MYO5A: variants seen among roughly 807,000 people sequenced by gnomAD.
The protein encoded by MYO5A is unconventional myosin-Va.
MYO5A carries 98 observed loss-of-function variants against 249.7 expected under a neutral mutation model. That is an observed-to-expected ratio of 0.39 (90% CI 0.33 to 0.46). The LOEUF (loss-of-function observed/expected upper bound fraction) is 0.46. Ranked by LOEUF, MYO5A falls within the 20% of genes least tolerant of loss-of-function variation. The pLI is 0.98. For missense variants in MYO5A, 1,696 were observed against 2,308.8 expected, an observed-to-expected ratio of 0.73 and a Z score of 5.44; for synonymous variants, 778 against 810.6, an observed-to-expected ratio of 0.96 and a Z score of 0.68.
chr15:52,402,717 C>CACCTGT lies in MYO5A; in HGVS notation c.1053+2564_1053+2569dup, dbSNP rs1203449808. Reference sequence around the variant, plus strand: ...AAAATTAGCCAGACACAGTGGCACACACCTGTAATCCCAGCTACTCGGGAG... The same window carrying CACCTGT: ...AAAATTAGCCAGACACAGTGGCACACACCTGTACCTGTAATCCCAGCTACTCGGGAG... On this transcript the variant is annotated intron_variant, in intron 9 of 41. Coordinates refer to ENST00000399233, the MANE Select transcript of MYO5A (RefSeq NM_001382347.1). Among the ~76,000 whole-genome samples, 3 of 152,154 alleles carry CACCTGT rather than the reference C, an allele frequency of 2.0e-5. No homozygotes were observed. In the South Asian group the frequency reaches 6.2e-4, roughly 32 times the overall value.
chr15:52,336,000 A>C (rs1164044375), intron 34 of MYO5A, among the ~76,000 whole-genome samples: 1 of 152,134 alleles, frequency 6.6e-6, no homozygotes, highest in Non-Finnish European at 1.5e-5. Context: ...GGACCAACCT[A>C]ATAGCTCATT....
chr15:52,369,848 G>A (rs1381569745), intron 22 of MYO5A, among the ~76,000 whole-genome samples: 1 of 142,924 alleles, frequency 7.0e-6, no homozygotes, highest in Non-Finnish European at 1.5e-5. Flanking sequence ...TTTTTTAAAA[G>A]GAGTCTATGC....
intron 1 of MYO5A, among the ~76,000 whole-genome samples, chr15:52,489,613 A>G (rs1343876252): frequency 1.3e-5 from 2 of 152,122 alleles, no homozygotes; most frequent in Non-Finnish European, 2.9e-5. Context: ...CAATCAACAG[A>G]GTGAAAAGGA....
In MYO5A at chr15:52,328,015, G is replaced by GA; in HGVS notation, c.4556-10dup. 6.2e-7 allele frequency: 1 copy of GA among 1,606,774 alleles called. No individual in the cohort carries two copies. The highest frequency in any genetic ancestry group is 8.5e-7 in the Non-Finnish European group (1 of 1,174,612). On this transcript the variant is annotated splice_polypyrimidine_tract_variant and intron_variant, in intron 35 of 41. Transcript: ENST00000399233. Reference sequence around the variant, plus strand: ...ACCACGTGGCTTCAGTTCTAAAAAAGAAAAAATAATAATTTTATATAACAT... The same window carrying GA: ...ACCACGTGGCTTCAGTTCTAAAAAAGAAAAAAATAATAATTTTATATAACAT...
chr15:52,505,943 G>A (rs1217193582), intron 1 of MYO5A: 3 of 1,268,660 alleles, frequency 2.4e-6, no homozygotes, highest in Non-Finnish European at 3.2e-6. Context: ...GCTGGGCGCA[G>A]TGGCTCATAC....
intron 28 of MYO5A, among the ~76,000 whole-genome samples, chr15:52,350,738 C>T (rs961605746): frequency 2.0e-5 from 3 of 152,180 alleles, no homozygotes; most frequent in African/African-American, 7.2e-5. Flanking sequence ...TCTGTTGAAT[C>T]CTTAAACAGC....
Position 52,370,235 on chromosome 15 carries a change from C to T in MYO5A, c.3000G>A (p.Glu1000=), listed in dbSNP as rs377110538. Residue 1000 remains glutamate (E), a synonymous_variant, in exon 22 of 42, where the codon GAG becomes GAA. Coordinates refer to ENST00000399233, the MANE Select transcript of MYO5A (RefSeq NM_001382347.1). ...EEIAKLRKDL[E]QTRSEKKCIE... is the part of the protein sequence containing the mutation. ...TGCATTTTTTCTCTGAACGAGTTTG[C>T]TCCAGGTCTTTCCGGAGCTTGGCAA... is the stretch of plus-strand genomic sequence containing the variant. The T allele has an allele frequency of 6.2e-7, 1 of 1,614,104 alleles. No individual in the cohort carries two copies. The highest frequency in any genetic ancestry group is 8.5e-7 in the Non-Finnish European group (1 of 1,180,018).
At chr15:52,467,844 C>T (rs1350950599) in intron 1 of MYO5A, among the ~76,000 whole-genome samples, 3 of 152,124 alleles carry the variant, frequency 2.0e-5, no homozygotes, top group Non-Finnish European at 4.4e-5. Flanking sequence ...AGAACTCTCA[C>T]AGGCCAGAAG....
rs150489383 is a variant in MYO5A at position 52,486,597 on chromosome 15, CTT to C, written c.27+42181_27+42182del. ...CTTTTCCAGTTGAAAACAAGAGACTCTTGGGGATTTTTTGTTTTAATATTGTT... is the reference window on the plus strand; with the variant it reads ...CTTTTCCAGTTGAAAACAAGAGACTCGGGGATTTTTTGTTTTAATATTGTT... On this transcript the variant is annotated intron_variant, in intron 1 of 41. Coordinates refer to ENST00000399233, the MANE Select transcript of MYO5A (RefSeq NM_001382347.1). Among the ~76,000 whole-genome samples, 1,054 of 152,134 alleles carry C rather than the reference CTT, an allele frequency of 6.9e-3. 8 individuals are homozygous for C. The highest frequency in any genetic ancestry group is 9.0e-3 in the Non-Finnish European group (612 of 68,020).
chr15:52,387,770 T>C (rs1462387468), intron 14 of MYO5A, 59 bp downstream of exon 14: 2 of 1,266,808 alleles, frequency 1.6e-6, no homozygotes, highest in Non-Finnish European at 2.3e-6. Flanking sequence ...TCATTTTTAT[T>C]GTTAAAAAGC....
intron 24 of MYO5A, among the ~76,000 whole-genome samples, chr15:52,362,894 A>G (rs1345320845): frequency 6.6e-6 from 1 of 152,222 alleles, no homozygotes; most frequent in Non-Finnish European, 1.5e-5. Flanking sequence ...GGATACATGT[A>G]TGGCACCTGC....
chr15:52,407,965 C>T, intron 7 of MYO5A, 94 bp downstream of exon 7: 1 of 861,130 alleles, frequency 1.2e-6, no homozygotes, highest in Non-Finnish European at 2.0e-6. Context: ...AGTATTCCAA[C>T]ATGAGATAAG....
At chr15:52,339,185 G>A (rs1250608927) in intron 32 of MYO5A, among the ~76,000 whole-genome samples, 2 of 152,090 alleles carry the variant, frequency 1.3e-5, no homozygotes, top group Non-Finnish European at 2.9e-5. Context: ...ATAAAAGATG[G>A]TTGAATAAAT....
chr15:52,448,019 C>G (rs773268834), intron 1 of MYO5A, among the ~76,000 whole-genome samples: 1 of 152,212 alleles, frequency 6.6e-6, no homozygotes, highest in Non-Finnish European at 1.5e-5. Flanking sequence ...GGGGCACTGC[C>G]TAGTGGAGCT....
At chr15:52,445,042 T>C (rs558327482) in intron 1 of MYO5A, among the ~76,000 whole-genome samples, 6 of 137,910 alleles carry the variant, frequency 4.4e-5, no homozygotes, top group African/African-American at 1.5e-4. Flanking sequence ...GCTTTGGGAA[T>C]CGACACTTCT....
At chr15:52,431,211 G>C (rs1179047687) in intron 2 of MYO5A, among the ~76,000 whole-genome samples, 1 of 63,088 alleles carries the variant, frequency 1.6e-5, no homozygotes, top group East Asian at 5.3e-4. Flanking sequence ...CAGCCTGGGT[G>C]ACAGAGCAAA....
At chr15:52,406,656 T>C (rs1041660601) in intron 8 of MYO5A, among the ~76,000 whole-genome samples, 5 of 152,166 alleles carry the variant, frequency 3.3e-5, no homozygotes, top group Admixed American at 2.6e-4. Context: ...TTTTTTTCTT[T>C]AAGTTGTAGA....
chr15:52,410,040 T>C (rs758640060), intron 6 of MYO5A, among the ~76,000 whole-genome samples: 26 of 152,152 alleles, frequency 1.7e-4, no homozygotes, highest in Non-Finnish European at 3.1e-4. Flanking sequence ...TTTGGAAATA[T>C]GAGAGACAAG....
intron 1 of MYO5A, among the ~76,000 whole-genome samples, chr15:52,504,610 T>A (rs939435753): frequency 2.0e-5 from 3 of 152,176 alleles, no homozygotes; most frequent in African/African-American, 7.2e-5. Flanking sequence ...AACAGAAAAG[T>A]CTGACAGAAC....
Sources: gnomAD v4.1 joint callset for allele counts (sites outside exome capture counted in the v4.1 genomes callset) on GRCh38, gnomAD v4.1.1 for gene constraint, MANE v1.5 for transcripts, NCBI Gene and HGNC (gene_info 2026-07-23, HGNC 2026-07-21) for gene names.